SCHIP1: variants seen among roughly 807,000 people sequenced by gnomAD.
SCHIP1 encodes the protein schwannomin-interacting protein 1.
Under a neutral mutation model 29.7 loss-of-function variants are expected in SCHIP1, and 8 were observed. The ratio of observed to expected loss-of-function variants is 0.27; its 90% CI spans 0.16 to 0.49. SCHIP1 has a LOEUF of 0.49. Ranked by LOEUF, SCHIP1 falls within the 20% of genes least tolerant of loss-of-function variation. The pLI is 0.99. For synonymous variants in SCHIP1, 76 were observed against 94.9 expected, an observed-to-expected ratio of 0.80 and a Z score of 1.16; for missense variants, 193 against 294.6, an observed-to-expected ratio of 0.66 and a Z score of 2.52.
At chr3:159,393,689 C>T in the SCHIP1 span, among the ~76,000 whole-genome samples, 4 of 150,642 alleles carry the variant, frequency 2.7e-5, no homozygotes, top group Admixed American at 6.6e-5. Flanking sequence ...GTTTTGGTAC[C>T]AGTACCATGC....
chr3:159,542,831 C>T, the SCHIP1 span, among the ~76,000 whole-genome samples: 25 of 151,954 alleles, frequency 1.6e-4, no homozygotes, highest in Admixed American at 3.3e-4. Flanking sequence ...TTGGGCCTTT[C>T]GGAACTGAGA....
At chr3:159,706,036 G>A in the SCHIP1 span, among the ~76,000 whole-genome samples, 1 of 152,246 alleles carries the variant, frequency 6.6e-6, no homozygotes, top group South Asian at 2.1e-4. Context: ...GGGATCCAAA[G>A]GATGTGTAGG....
chr3:159,665,838 A>G, the SCHIP1 span, among the ~76,000 whole-genome samples: 3 of 152,142 alleles, frequency 2.0e-5, no homozygotes, highest in Non-Finnish European at 4.4e-5. Context: ...AGGGGCAGGC[A>G]TTTCCCATTA....
the SCHIP1 span, among the ~76,000 whole-genome samples, chr3:159,539,032 T>C: frequency 1.3e-5 from 2 of 152,078 alleles, no homozygotes; most frequent in Non-Finnish European, 2.9e-5. Flanking sequence ...CTCCAAACAG[T>C]ATCTATCCCT....
chr3:159,704,900 CTTT>C, the SCHIP1 span, among the ~76,000 whole-genome samples: 5 of 62,510 alleles, frequency 8.0e-5, no homozygotes, highest in African/African-American at 3.6e-4. Flanking sequence ...TTCTTTCTTT[CTTT>C]CTTTATTTCT....
At chr3:159,367,256 G>C in the SCHIP1 span, among the ~76,000 whole-genome samples, 1 of 152,158 alleles carries the variant, frequency 6.6e-6, no homozygotes, top group Non-Finnish European at 1.5e-5. Context: ...GCTGGGTGTG[G>C]TGGCGCATGC....
the SCHIP1 span, among the ~76,000 whole-genome samples, chr3:159,352,805 A>C: frequency 6.6e-6 from 1 of 152,034 alleles, no homozygotes; most frequent in African/African-American, 2.4e-5. Context: ...ATTGGGAAAA[A>C]TTAGCCCTCT....
the SCHIP1 span, among the ~76,000 whole-genome samples, chr3:159,799,065 C>T: frequency 6.6e-6 from 1 of 152,168 alleles, no homozygotes; most frequent in African/African-American, 2.4e-5. Context: ...GAGGGAGACA[C>T]TGAACAGGGC....
At chr3:159,425,190 A>T in the SCHIP1 span, among the ~76,000 whole-genome samples, 1 of 152,168 alleles carries the variant, frequency 6.6e-6, no homozygotes, top group African/African-American at 2.4e-5. Flanking sequence ...CACACATAAC[A>T]ATATTAACTT....
At chr3:159,362,586 C>A in the SCHIP1 span, among the ~76,000 whole-genome samples, 2 of 152,162 alleles carry the variant, frequency 1.3e-5, no homozygotes, top group African/African-American at 4.8e-5. Context: ...GCATTATGTG[C>A]TCCTGTATAC....
the SCHIP1 span, chr3:159,274,410 A>G: frequency 1.1e-6 from 1 of 943,118 alleles, no homozygotes; most frequent in Admixed American, 6.2e-5. Flanking sequence ...ATTTATTGGT[A>G]TGAAATGTAT....
chr3:159,526,847 C>A, the SCHIP1 span, among the ~76,000 whole-genome samples: 1 of 152,348 alleles, frequency 6.6e-6, no homozygotes, highest in African/African-American at 2.4e-5. Flanking sequence ...TCTTTCCCTG[C>A]TGACACTGCT....
the SCHIP1 span, among the ~76,000 whole-genome samples, chr3:159,827,480 C>T: frequency 1.3e-5 from 2 of 152,154 alleles, no homozygotes; most frequent in Non-Finnish European, 2.9e-5. Context: ...AAAAGGTATG[C>T]TATGTAAATT....
chr3:159,789,428 C>T, the SCHIP1 span, among the ~76,000 whole-genome samples: 11,165 of 152,248 alleles, frequency 0.073, 1,324 homozygotes, highest in African/African-American at 0.25. Flanking sequence ...TCTCACCTGG[C>T]ATTGACAAAC....
the SCHIP1 span, among the ~76,000 whole-genome samples, chr3:159,694,968 C>T: frequency 1.3e-5 from 2 of 152,150 alleles, no homozygotes; most frequent in Non-Finnish European, 2.9e-5. Context: ...ATTTAGAAGA[C>T]TTGTCCCCAC....
the SCHIP1 span, among the ~76,000 whole-genome samples, chr3:159,782,616 GCTTA>G: frequency 6.6e-6 from 1 of 152,036 alleles, no homozygotes; most frequent in Admixed American, 6.5e-5. Context: ...ACCACTCTGT[GCTTA>G]CTTGTAATTA....
exon 1 of SCHIP1, chr3:159,840,042 C>T (rs1238264707): frequency 6.1e-6 from 9 of 1,477,100 alleles, no homozygotes; most frequent in Middle Eastern, 2.4e-4. Context: ...GGTTGATCAG[C>T]GAAACAGCAT....
the SCHIP1 span, among the ~76,000 whole-genome samples, chr3:159,807,925 C>G: frequency 2.0e-5 from 3 of 152,148 alleles, no homozygotes; most frequent in Non-Finnish European, 4.4e-5. Flanking sequence ...ATGCAGTGTG[C>G]CCAAAGCATA....
At chr3:159,762,601 A>T in the SCHIP1 span, among the ~76,000 whole-genome samples, 1 of 152,210 alleles carries the variant, frequency 6.6e-6, no homozygotes, top group Non-Finnish European at 1.5e-5. Context: ...TTTGTTATAA[A>T]ATTAAGTAAT....
Sources: allele counts gnomAD v4.1 joint callset (sites outside exome capture counted in the v4.1 genomes callset), GRCh38; gene constraint gnomAD v4.1.1; transcripts MANE v1.5; gene names NCBI Gene and HGNC (gene_info 2026-07-23, HGNC 2026-07-21).